STARD13: variants seen among roughly 807,000 people sequenced by gnomAD.
STARD13 encodes stAR-related lipid transfer protein 13.
Under a neutral mutation model 106.4 loss-of-function variants are expected in STARD13, and 62 were observed. That is an observed-to-expected ratio of 0.58 (90% CI 0.48 to 0.72). The LOEUF (loss-of-function observed/expected upper bound fraction) is 0.72. Among genes scored for constraint, STARD13 ranks in the 30% least tolerant of loss-of-function variants. The pLI is 0.00. For synonymous variants in STARD13, 565 were observed against 553.0 expected (o/e 1.02, Z -0.31); for missense variants, 1,387 against 1,424.0 (o/e 0.97, Z 0.42).
the STARD13 span, among the ~76,000 whole-genome samples, chr13:33,546,676 C>G: frequency 6.6e-6 from 1 of 151,370 alleles, no homozygotes; most frequent in African/African-American, 2.4e-5. Context: ...GACAGTCTCA[C>G]TCTGTCGCCC....
chr13:33,460,141 C>G, the STARD13 span, among the ~76,000 whole-genome samples: 3 of 151,842 alleles, frequency 2.0e-5, no homozygotes, highest in Non-Finnish European at 2.9e-5. Context: ...TTCTGTTTTC[C>G]CCTTTCTTTA....
intron 7 of STARD13, among the ~76,000 whole-genome samples, chr13:33,119,406 T>TC (rs1035011201): frequency 1.1e-4 from 17 of 152,136 alleles, no homozygotes; most frequent in Middle Eastern, 3.4e-3. Context: ...CCACTGCTCA[T>TC]CCCCCCTATA....
chr13:33,350,460 C>G, exon 1 of STARD13: 1 of 1,503,110 alleles, frequency 6.7e-7, no homozygotes, highest in African/African-American at 1.4e-5. Flanking sequence ...ACCGCCACTC[C>G]CGCGTGGCCC....
chr13:33,526,068 T>C, the STARD13 span, among the ~76,000 whole-genome samples: 3 of 152,144 alleles, frequency 2.0e-5, no homozygotes, highest in Non-Finnish European at 2.9e-5. Context: ...TTGCTTATGA[T>C]GACAATAACA....
At position 33,129,471 on chromosome 13, in the gene STARD13, T is replaced by G; in HGVS notation, c.1206A>C (p.Lys402Asn). The stretch of plus-strand genomic sequence containing the variant: ...AAAGTGCCTTGGGGAATGTTCCTGG[T>G]TTGTGATCCTTGGGAATATGCACCA... ...NLVVHIPKDHKPGTFPKALSI... is the reference protein window; with the variant it reads ...NLVVHIPKDHNPGTFPKALSI... The change falls in exon 5 of 14, where the codon AAA (lysine) becomes AAC (asparagine). Residue 402 changes from lysine (K) to asparagine (N), a missense_variant. Coordinates refer to ENST00000336934, the MANE Select transcript of STARD13 (RefSeq NM_178006.4). The G allele has an allele frequency of 6.2e-7, 1 of 1,614,180 alleles. No individual in the cohort carries two copies. Among genetic ancestry groups the G allele is most frequent in the South Asian group, 1.1e-5 (1 of 91,082 alleles).
intron 1 of STARD13, among the ~76,000 whole-genome samples, chr13:33,307,794 C>T (rs1039409327): frequency 9.2e-5 from 14 of 152,076 alleles, no homozygotes; most frequent in South Asian, 6.3e-4. Flanking sequence ...ACATATCCTA[C>T]GCATGTATCC....
intron 1 of STARD13, among the ~76,000 whole-genome samples, chr13:33,175,826 C>G (rs929041896): frequency 6.6e-6 from 1 of 152,184 alleles, no homozygotes; most frequent in Admixed American, 6.5e-5. Flanking sequence ...TTTAGGGATG[C>G]AAACTCCTCC....
intron 1 of STARD13, among the ~76,000 whole-genome samples, chr13:33,205,465 C>G (rs1407592150): frequency 6.6e-6 from 1 of 151,942 alleles, no homozygotes; most frequent in Non-Finnish European, 1.5e-5. Context: ...TAATAAACTG[C>G]CTTTGAGGAA....
At chr13:33,271,955 G>A (rs778962718) in intron 1 of STARD13, among the ~76,000 whole-genome samples, 4 of 152,194 alleles carry the variant, frequency 2.6e-5, no homozygotes, top group Non-Finnish European at 5.9e-5. Context: ...TCAAAGCCCT[G>A]TTCCAACTCC....
chr13:33,309,875 T>C (rs1295309789), intron 1 of STARD13, among the ~76,000 whole-genome samples: 2 of 152,222 alleles, frequency 1.3e-5, no homozygotes, highest in Admixed American at 6.5e-5. Context: ...TATGTGTTCT[T>C]AAGCTCTGAC....
At chr13:33,368,350 A>G in the STARD13 span, among the ~76,000 whole-genome samples, 1 of 152,124 alleles carries the variant, frequency 6.6e-6, no homozygotes, top group Non-Finnish European at 1.5e-5. Flanking sequence ...CACTCACTCA[A>G]CAAATATTTG....
chr13:33,119,599 G>A (rs1875952221), intron 7 of STARD13, among the ~76,000 whole-genome samples: 2 of 152,198 alleles, frequency 1.3e-5, no homozygotes, highest in South Asian at 4.1e-4. Context: ...AGCATACTCA[G>A]GTTTTTGTAT....
chr13:33,213,744 G>A (rs1887863113), intron 1 of STARD13, among the ~76,000 whole-genome samples: 1 of 152,168 alleles, frequency 6.6e-6, no homozygotes, highest in East Asian at 1.9e-4. Context: ...CCCTAATTCT[G>A]TGCTTATCTT....
intron 1 of STARD13, among the ~76,000 whole-genome samples, chr13:33,331,997 T>C (rs1322361545): frequency 6.6e-6 from 1 of 152,186 alleles, no homozygotes; most frequent in Non-Finnish European, 1.5e-5. Context: ...CTTCCACTCT[T>C]GGCCTGTATT....
the STARD13 span, among the ~76,000 whole-genome samples, chr13:33,489,943 A>G: frequency 2.9e-4 from 44 of 152,226 alleles, no homozygotes; most frequent in Non-Finnish European, 6.2e-4. Context: ...GCTGAAAGGA[A>G]AAAAATCAAA....
intron 3 of STARD13, among the ~76,000 whole-genome samples, chr13:33,146,245 A>G (rs1593962625): frequency 6.6e-6 from 1 of 151,554 alleles, no homozygotes; most frequent in East Asian, 1.9e-4. Context: ...AATTGCTTGA[A>G]CCCGGGAGGC....
the STARD13 span, among the ~76,000 whole-genome samples, chr13:33,615,772 T>A: frequency 3.3e-5 from 5 of 152,192 alleles, no homozygotes; most frequent in African/African-American, 1.2e-4. Context: ...ATAGCATCGC[T>A]CTGCACCCAA....
At chr13:33,509,713 AGC>A in the STARD13 span, among the ~76,000 whole-genome samples, 1 of 152,176 alleles carries the variant, frequency 6.6e-6, no homozygotes, top group Non-Finnish European at 1.5e-5. Context: ...AAATTAACAG[AGC>A]AACAGCCAAC....
chr13:33,520,286 G>C, the STARD13 span: 1 of 152,072 alleles, frequency 6.6e-6, no homozygotes, highest in Non-Finnish European at 1.5e-5. Flanking sequence ...TCTAGTCAAG[G>C]CCTAAAGAAT....
Sources: allele counts gnomAD v4.1 joint callset (sites outside exome capture counted in the v4.1 genomes callset), GRCh38; gene constraint gnomAD v4.1.1; transcripts MANE v1.5; gene names NCBI Gene and HGNC (gene_info 2026-07-23, HGNC 2026-07-21).